The following DPP10 variants were observed in gnomAD, a reference collection of about 807,000 sequenced individuals.
DPP10 encodes inactive dipeptidyl peptidase 10.
DPP10 carries 33 observed loss-of-function variants against 120.9 expected under a neutral mutation model. The ratio of observed to expected loss-of-function variants is 0.27; its 90% CI spans 0.21 to 0.37. The LOEUF (loss-of-function observed/expected upper bound fraction) is 0.37, where lower values mean the gene tolerates loss of function less well. Among genes scored for constraint, DPP10 ranks in the 10% least tolerant of loss-of-function variants. DPP10 has a pLI of 1.00. For missense variants in DPP10, 816 were observed against 942.8 expected, an observed-to-expected ratio of 0.87 and a Z score of 1.76; for synonymous variants, 337 against 326.1, an observed-to-expected ratio of 1.03 and a Z score of -0.36.
At chr2:115,251,543 TAA>T (rs1334309948) in intron 1 of DPP10, among the ~76,000 whole-genome samples, 1 of 152,052 alleles carries the variant, frequency 6.6e-6, no homozygotes, top group African/African-American at 2.4e-5. Flanking sequence ...AGGACCTACG[TAA>T]AGGGCAAAAG....
intron 1 of DPP10, among the ~76,000 whole-genome samples, chr2:114,735,284 A>T (rs903444047): frequency 1.3e-5 from 2 of 152,202 alleles, no homozygotes; most frequent in Non-Finnish European, 2.9e-5. Flanking sequence ...TAGAAGTATT[A>T]CAAGAACACC....
chr2:114,893,012 C>T (rs1330324506), intron 1 of DPP10, among the ~76,000 whole-genome samples: 1 of 152,140 alleles, frequency 6.6e-6, no homozygotes, highest in Non-Finnish European at 1.5e-5. Context: ...CATGGACCAC[C>T]AATATACTGT....
intron 3 of DPP10, among the ~76,000 whole-genome samples, chr2:115,440,641 G>A (rs1274207020): frequency 5.9e-5 from 9 of 152,182 alleles, no homozygotes; most frequent in Non-Finnish European, 1.3e-4. Context: ...AGGAAGGGGA[G>A]GGGGACTCAA....
At chr2:115,412,877 G>A (rs1036946385) in intron 3 of DPP10, among the ~76,000 whole-genome samples, 1 of 152,132 alleles carries the variant, frequency 6.6e-6, no homozygotes, top group Non-Finnish European at 1.5e-5. Flanking sequence ...TGTATTATTA[G>A]GGGCATTCAG....
intron 1 of DPP10, among the ~76,000 whole-genome samples, chr2:114,705,867 A>T (rs1700654698): frequency 6.6e-6 from 1 of 152,090 alleles, no homozygotes. Flanking sequence ...CATGGTGGCA[A>T]TTCCTTATCT....
intron 1 of DPP10, among the ~76,000 whole-genome samples, chr2:114,482,052 T>C (rs905221685): frequency 5.3e-5 from 7 of 131,356 alleles, no homozygotes; most frequent in African/African-American, 3.2e-4. Flanking sequence ...CCAGATCTCA[T>C]GAGAACTCTA....
intron 1 of DPP10, among the ~76,000 whole-genome samples, chr2:115,281,914 G>T (rs2060172331): frequency 6.6e-6 from 1 of 151,990 alleles, no homozygotes; most frequent in Non-Finnish European, 1.5e-5. Flanking sequence ...AGTGACCCAA[G>T]AATAATCTTT....
intron 2 of DPP10, among the ~76,000 whole-genome samples, chr2:115,334,938 A>C (rs1262802115): frequency 1.3e-5 from 2 of 150,180 alleles, no homozygotes; most frequent in South Asian, 4.2e-4. Context: ...TGGTTCTACT[A>C]CTGTATTAGT....
intron 1 of DPP10, among the ~76,000 whole-genome samples, chr2:115,113,919 A>G (rs1369193245): frequency 6.6e-6 from 1 of 152,206 alleles, no homozygotes; most frequent in African/African-American, 2.4e-5. Flanking sequence ...TGTCATATCC[A>G]AACTGAAACA....
At chr2:114,738,646 A>G (rs71418514) in intron 1 of DPP10, among the ~76,000 whole-genome samples, 6,569 of 152,214 alleles carry the variant, frequency 0.043, 171 homozygotes, top group South Asian at 0.1. Context: ...TTAAAGCCTC[A>G]GTTTCCTTAT....
chr2:115,129,102 C>T (rs1015062556), intron 1 of DPP10, among the ~76,000 whole-genome samples: 1 of 152,150 alleles, frequency 6.6e-6, no homozygotes, highest in African/African-American at 2.4e-5. Context: ...CCTCTTCTGT[C>T]TGGACCAAAT....
intron 1 of DPP10, among the ~76,000 whole-genome samples, chr2:115,216,559 GGATCACCTGAGGCCA>G (rs2056832506): frequency 6.6e-6 from 1 of 152,104 alleles, no homozygotes; most frequent in South Asian, 2.1e-4. Context: ...CGAGGCAGGT[GGATCACCTGAGGCCA>G]GGAGTTCGAG....
At chr2:115,353,366 G>C (rs1343930033) in intron 3 of DPP10, among the ~76,000 whole-genome samples, 1 of 152,096 alleles carries the variant, frequency 6.6e-6, no homozygotes, top group Non-Finnish European at 1.5e-5. Flanking sequence ...ATGTATAAAA[G>C]TAATGGAAAA....
At chr2:115,656,133 AACACACACACAC>A (rs146572509) in intron 5 of DPP10, among the ~76,000 whole-genome samples, 36 of 143,322 alleles carry the variant, frequency 2.5e-4, no homozygotes, top group South Asian at 9.1e-4. Context: ...GTTCTTACCA[AACACACACACAC>A]ACACACACAC....
At chr2:115,389,764 A>G (rs1389887248) in intron 3 of DPP10, among the ~76,000 whole-genome samples, 1 of 152,160 alleles carries the variant, frequency 6.6e-6, no homozygotes, top group Non-Finnish European at 1.5e-5. Context: ...CTCACAAAAG[A>G]GTAGTATTCA....
chr2:115,526,030 G>C (rs1293141760), intron 5 of DPP10, 58 bp downstream of exon 5: 1 of 1,439,056 alleles, frequency 6.9e-7, no homozygotes, highest in African/African-American at 1.4e-5. Flanking sequence ...GGGTGACAAT[G>C]CATAATTTTA....
intron 5 of DPP10, among the ~76,000 whole-genome samples, chr2:115,651,887 A>G (rs1033417353): frequency 6.6e-6 from 1 of 152,064 alleles, no homozygotes; most frequent in Non-Finnish European, 1.5e-5. Flanking sequence ...AACTGAATTG[A>G]ATTTTAGTGT....
chr2:115,516,246 T>C (rs1464815044), intron 4 of DPP10, among the ~76,000 whole-genome samples: 7 of 152,186 alleles, frequency 4.6e-5, no homozygotes, highest in African/African-American at 1.7e-4. Flanking sequence ...ACATTGAATC[T>C]GGAGGCAGCT....
At chr2:114,620,018 A>C (rs955822051) in intron 1 of DPP10, among the ~76,000 whole-genome samples, 2 of 152,004 alleles carry the variant, frequency 1.3e-5, no homozygotes, top group Non-Finnish European at 2.9e-5. Context: ...TATTACTTAA[A>C]AAGGTCCTAA....
Sources: allele counts gnomAD v4.1 joint callset (sites outside exome capture counted in the v4.1 genomes callset), GRCh38; gene constraint gnomAD v4.1.1; transcripts MANE v1.5; gene names NCBI Gene and HGNC (gene_info 2026-07-23, HGNC 2026-07-21).